Variants in KMT2C observed in about 807,000 individuals in gnomAD.
The protein encoded by KMT2C is lysine methyltransferase 2C.
Under a neutral mutation model 507.9 loss-of-function variants are expected in KMT2C, and 88 were observed. The observed-to-expected ratio is 0.17, with a 90% confidence interval of 0.15 to 0.21. The LOEUF is 0.21. Among genes scored for constraint, KMT2C ranks in the 10% least tolerant of loss-of-function variants. KMT2C has a pLI of 1.00. For synonymous variants in KMT2C, 2,049 were observed against 2,080.8 expected (o/e 0.98, Z 0.42); for missense variants, 4,954 against 5,957.8 (o/e 0.83, Z 5.55).
At chr7:152,311,767 G>A (rs570808982) in intron 5 of KMT2C, 31 bp downstream of exon 5, 6 of 1,502,856 alleles carry the variant, frequency 4.0e-6, no homozygotes, top group South Asian at 1.3e-5. Context: ...CCAGAATTAA[G>A]AGGCAGTCAT....
intron 1 of KMT2C, among the ~76,000 whole-genome samples, chr7:152,428,781 T>A (rs2097844300): frequency 1.3e-5 from 2 of 152,156 alleles, no homozygotes; most frequent in African/African-American, 4.8e-5. Flanking sequence ...CCCAAGGCTG[T>A]TATTATTTCC....
chr7:152,165,004 T>C (rs1182966843), intron 42 of KMT2C, among the ~76,000 whole-genome samples: 1 of 152,252 alleles, frequency 6.6e-6, no homozygotes, highest in African/African-American at 2.4e-5. Context: ...TTTTTCAAAG[T>C]ATTTTCTTGG....
In KMT2C at chr7:152,207,899, G is replaced by C. The variant is rs569805377; in HGVS notation, c.3713-471C>G. 7.2e-5 allele frequency among the ~76,000 whole-genome samples: 11 copies of C among 152,262 alleles called. No individual in the cohort carries two copies. The South Asian group carries it at 2.1e-3, about 29-fold the overall frequency. On this transcript the variant is annotated intron_variant, in intron 23 of 58. Coordinates refer to ENST00000262189, the MANE Select transcript of KMT2C (RefSeq NM_170606.3). ...AAAAGGCATGGAAATGTAACCCGGA[G>C]AAGACAGAGGCCTGGAAGACCACCT... is the stretch of plus-strand genomic sequence containing the variant.
At position 152,252,538 on chromosome 7, in the gene KMT2C, C is replaced by A; in HGVS notation, c.1469+8G>T. 1 of 1,606,592 alleles carries A rather than the reference C, an allele frequency of 6.2e-7. No homozygotes were observed. Among genetic ancestry groups the A allele is most frequent in the Non-Finnish European group, 8.5e-7 (1 of 1,174,388 alleles). Reference sequence around the variant, plus strand: ...CAAAACAACTGAATAGAATAACTATCTTCTTACCTTTTGCACATATTACAA... The same window carrying A: ...CAAAACAACTGAATAGAATAACTATATTCTTACCTTTTGCACATATTACAA... On this transcript the variant is annotated splice_region_variant and intron_variant, in intron 10 of 58. Coordinates refer to ENST00000262189, the MANE Select transcript of KMT2C (RefSeq NM_170606.3).
intron 6 of KMT2C, among the ~76,000 whole-genome samples, chr7:152,296,289 C>T (rs544638661): frequency 4.0e-5 from 6 of 151,572 alleles, no homozygotes; most frequent in Non-Finnish European, 8.8e-5. Flanking sequence ...CAAAAATTAA[C>T]CGGGCGTGGT....
chr7:152,207,577 A>C, intron 23 of KMT2C, 149 bp from the exon 24 acceptor site: 1 of 681,244 alleles, frequency 1.5e-6, no homozygotes, highest in Non-Finnish European at 2.5e-6. Context: ...AGATAGAAGA[A>C]GCCCCAAATG....
At chr7:152,401,259 T>C (rs2097571159) in intron 1 of KMT2C, among the ~76,000 whole-genome samples, 1 of 152,114 alleles carries the variant, frequency 6.6e-6, no homozygotes, top group Non-Finnish European at 1.5e-5. Context: ...TTTGTATTTT[T>C]AGTAGAGACG....
intron 26 of KMT2C, 62 bp downstream of exon 26, chr7:152,202,872 C>A: frequency 7.6e-7 from 1 of 1,312,538 alleles, no homozygotes; most frequent in Non-Finnish European, 1.1e-6. Context: ...TGTTTTAAAA[C>A]TCAATACATT....
intron 9 of KMT2C, among the ~76,000 whole-genome samples, chr7:152,255,114 T>TATATAC (rs2095627799): frequency 2.2e-5 from 2 of 89,780 alleles, no homozygotes; most frequent in South Asian, 7.0e-4. Flanking sequence ...CTCACTTATA[T>TATATAC]ATATATATAT....
intron 6 of KMT2C, among the ~76,000 whole-genome samples, chr7:152,297,840 T>C (rs1383210268): frequency 1.3e-5 from 2 of 152,108 alleles, no homozygotes; most frequent in South Asian, 2.1e-4. Context: ...AAACTGAAAA[T>C]AATCAATCAA....
intron 10 of KMT2C, 112 bp from the exon 11 acceptor site, chr7:152,252,202 G>A: frequency 1.3e-6 from 1 of 770,854 alleles, no homozygotes; most frequent in Non-Finnish European, 2.0e-6. Flanking sequence ...AAGTATGAGA[G>A]GAGAGAGGTT....
intron 1 of KMT2C, among the ~76,000 whole-genome samples, chr7:152,425,437 G>A (rs539900563): frequency 2.0e-5 from 3 of 152,114 alleles, no homozygotes; most frequent in African/African-American, 7.2e-5. Flanking sequence ...TTAGCCAGGC[G>A]TGGTGGAGGG....
intron 1 of KMT2C, among the ~76,000 whole-genome samples, chr7:152,381,427 A>G (rs2097373214): frequency 7.7e-6 from 1 of 129,560 alleles, no homozygotes; most frequent in African/African-American, 3.1e-5. Flanking sequence ...TTAACATCCT[A>G]CACACAGGAG....
intron 35 of KMT2C, 25 bp from the exon 36 acceptor site, chr7:152,182,619 A>G: frequency 3.9e-6 from 6 of 1,522,330 alleles, no homozygotes; most frequent in Non-Finnish European, 5.3e-6. Flanking sequence ...AAGAAAAAGC[A>G]ATCATATTTA....
chr7:152,367,240 A>C, intron 1 of KMT2C: 1 of 1,444,578 alleles, frequency 6.9e-7, no homozygotes, highest in Non-Finnish European at 9.5e-7. Context: ...TGTTGACAGC[A>C]CGGTCATCAG....
At chr7:152,214,177 A>AC (rs977679565) in intron 23 of KMT2C, among the ~76,000 whole-genome samples, 4 of 152,010 alleles carry the variant, frequency 2.6e-5, no homozygotes, top group Admixed American at 1.3e-4. Flanking sequence ...TAAAAAAAAA[A>AC]AAACTACCAC....
At chr7:152,368,666 T>A (rs759443416) in intron 1 of KMT2C, 1 of 1,448,764 alleles carries the variant, frequency 6.9e-7, no homozygotes, top group Non-Finnish European at 9.5e-7. Context: ...TTTTAAACTC[T>A]CTATTGACCA....
chr7:152,143,390 A>G (rs1321520382), intron 55 of KMT2C, among the ~76,000 whole-genome samples: 1 of 152,216 alleles, frequency 6.6e-6, no homozygotes, highest in Non-Finnish European at 1.5e-5. Context: ...CAAAGAACAG[A>G]AGGGGAGAAA....
At chr7:152,228,842 C>CT (rs2095020069) in intron 18 of KMT2C, among the ~76,000 whole-genome samples, 1 of 152,106 alleles carries the variant, frequency 6.6e-6, no homozygotes, top group South Asian at 2.1e-4. Flanking sequence ...TTTATATACT[C>CT]TGTGTTTTTC....
Sources: allele counts gnomAD v4.1 joint callset (sites outside exome capture counted in the v4.1 genomes callset), GRCh38; gene constraint gnomAD v4.1.1; transcripts MANE v1.5; gene names NCBI Gene and HGNC (gene_info 2026-07-23, HGNC 2026-07-21).